Variants in TAS2R1 observed in about 807,000 individuals in gnomAD.
TAS2R1 encodes the protein taste 2 receptor member 1.
For synonymous variants in TAS2R1, 141 were observed against 134.2 expected, an observed-to-expected ratio of 1.05 and a Z score of -0.35; for missense variants, 370 against 353.4, an observed-to-expected ratio of 1.05 and a Z score of -0.38.
At chr5:9,748,306 C>T in the TAS2R1 span, among the ~76,000 whole-genome samples, 1 of 152,142 alleles carries the variant, frequency 6.6e-6, no homozygotes, top group East Asian at 1.9e-4. Context: ...AATCGCGGCT[C>T]ACTGCAGGTC....
chr5:9,634,537 A>G (rs1739931733), upstream of TAS2R1, among the ~76,000 whole-genome samples: 1 of 152,086 alleles, frequency 6.6e-6, no homozygotes, highest in Admixed American at 6.6e-5. Context: ...TGCTTTTGGC[A>G]GTGTGGTCAT....
the TAS2R1 span, among the ~76,000 whole-genome samples, chr5:9,813,991 T>C: frequency 6.6e-6 from 1 of 152,210 alleles, no homozygotes; most frequent in East Asian, 1.9e-4. Flanking sequence ...AGTCTGGTTT[T>C]CAAGTTTAAA....
the TAS2R1 span, among the ~76,000 whole-genome samples, chr5:9,827,598 G>GCACACACA: frequency 0.017 from 2,554 of 147,368 alleles, 26 homozygotes; most frequent in Non-Finnish European, 0.021. Flanking sequence ...GTGGTGGCAT[G>GCACACACA]CACACACACA....
the TAS2R1 span, among the ~76,000 whole-genome samples, chr5:9,833,003 G>A: frequency 2.0e-5 from 3 of 152,164 alleles, no homozygotes; most frequent in Admixed American, 1.3e-4. Context: ...CAGGTAAGGC[G>A]GGACGACAAG....
the TAS2R1 span, among the ~76,000 whole-genome samples, chr5:9,902,218 T>C: frequency 0.019 from 2,941 of 152,176 alleles, 68 homozygotes; most frequent in Non-Finnish European, 0.028. Context: ...TATTACAAAT[T>C]TCTTATTCAT....
chr5:9,832,226 G>A, the TAS2R1 span, among the ~76,000 whole-genome samples: 16 of 152,116 alleles, frequency 1.1e-4, no homozygotes, highest in East Asian at 3.9e-4. Flanking sequence ...TGAAACAAAC[G>A]AGCAACACTT....
At chr5:9,830,586 T>C in the TAS2R1 span, among the ~76,000 whole-genome samples, 1 of 140,976 alleles carries the variant, frequency 7.1e-6, no homozygotes, top group Non-Finnish European at 1.5e-5. Flanking sequence ...GGTAGGTAGG[T>C]AGATAGACAC....
the TAS2R1 span, among the ~76,000 whole-genome samples, chr5:9,787,992 A>T: frequency 6.6e-6 from 1 of 152,180 alleles, no homozygotes; most frequent in South Asian, 2.1e-4. Flanking sequence ...AATCCAGGCG[A>T]TTTTGCAATG....
At chr5:9,896,972 G>A in the TAS2R1 span, among the ~76,000 whole-genome samples, 1 of 152,160 alleles carries the variant, frequency 6.6e-6, no homozygotes, top group Non-Finnish European at 1.5e-5. Context: ...GGTTCAGAGA[G>A]GCAAGTCTCT....
the TAS2R1 span, among the ~76,000 whole-genome samples, chr5:9,825,522 A>G: frequency 2.6e-5 from 4 of 152,198 alleles, no homozygotes; most frequent in African/African-American, 9.6e-5. Flanking sequence ...ACACAGTCAA[A>G]CCACATCACA....
chr5:9,879,187 C>G, the TAS2R1 span, among the ~76,000 whole-genome samples: 3 of 152,204 alleles, frequency 2.0e-5, no homozygotes, highest in African/African-American at 7.2e-5. Flanking sequence ...AAAGTTAATG[C>G]AGAAATACAC....
upstream of TAS2R1, among the ~76,000 whole-genome samples, chr5:9,634,287 T>C (rs1371527243): frequency 6.6e-6 from 1 of 152,148 alleles, no homozygotes; most frequent in African/African-American, 2.4e-5. Flanking sequence ...GCTTTTTTGT[T>C]CCATTGGTCT....
chr5:9,771,888 GTCTTC>G, the TAS2R1 span, among the ~76,000 whole-genome samples: 4 of 151,592 alleles, frequency 2.6e-5, no homozygotes, highest in African/African-American at 9.7e-5. Context: ...ATTTATTTGG[GTCTTC>G]TCTTTTTTTC....
the TAS2R1 span, among the ~76,000 whole-genome samples, chr5:9,873,439 T>C: frequency 6.6e-6 from 1 of 151,642 alleles, no homozygotes; most frequent in South Asian, 2.1e-4. Context: ...CTTCTCGTAT[T>C]GCACAGAATA....
chr5:9,875,099 CAG>C, the TAS2R1 span, among the ~76,000 whole-genome samples: 5 of 152,130 alleles, frequency 3.3e-5, no homozygotes, highest in African/African-American at 1.2e-4. Context: ...AGGGTACTGA[CAG>C]ACTTCATGGA....
chr5:9,714,196 C>A (rs981426983), upstream of TAS2R1: 1 of 152,152 alleles, frequency 6.6e-6, no homozygotes, highest in African/African-American at 2.4e-5. Flanking sequence ...ACTGCTTTTC[C>A]TCCCTGTGGC....
chr5:9,772,089 C>A, the TAS2R1 span, among the ~76,000 whole-genome samples: 1 of 151,416 alleles, frequency 6.6e-6, no homozygotes, highest in Non-Finnish European at 1.5e-5. Context: ...TAAGATGCAC[C>A]ATTAGGTTGT....
intron 1 of TAS2R1, among the ~76,000 whole-genome samples, chr5:9,712,021 A>T: frequency 1.2e-5 from 1 of 82,040 alleles, no homozygotes; most frequent in Non-Finnish European, 2.2e-5. Flanking sequence ...GAGAGAAGGA[A>T]GGAAGGAAGG....
chr5:9,799,804 C>G, the TAS2R1 span, among the ~76,000 whole-genome samples: 1 of 152,190 alleles, frequency 6.6e-6, no homozygotes, highest in Non-Finnish European at 1.5e-5. Flanking sequence ...CAGCTTCAAA[C>G]GAGCTAACAG....
Sources: allele counts gnomAD v4.1 joint callset (sites outside exome capture counted in the v4.1 genomes callset), GRCh38; gene constraint gnomAD v4.1.1; transcripts MANE v1.5; gene names NCBI Gene and HGNC (gene_info 2026-07-23, HGNC 2026-07-21).